The following POLE variants were observed in gnomAD, a reference collection of about 807,000 sequenced individuals.
POLE encodes the protein DNA polymerase epsilon catalytic subunit A.
A neutral mutation model predicts 279.2 loss-of-function variants in POLE; 188 were observed. The ratio of observed to expected loss-of-function variants is 0.67; its 90% confidence interval spans 0.60 to 0.76. The LOEUF (loss-of-function observed/expected upper bound fraction) is 0.76. Among genes scored for constraint, POLE ranks in the 30% least tolerant of loss-of-function variants. The pLI is 0.00. For synonymous variants in POLE, 1,214 were observed against 1,172.5 expected, an observed-to-expected ratio of 1.04 and a Z score of -0.72; for missense variants, 2,703 against 3,016.7, an observed-to-expected ratio of 0.90 and a Z score of 2.44.
Position 132,660,983 on chromosome 12 carries a change from C to A in POLE, c.3046G>T (p.Val1016Leu). 6.2e-7 allele frequency: 1 copy of A among 1,611,246 alleles called. No homozygotes were observed. The highest frequency in any genetic ancestry group is 8.5e-7 in the Non-Finnish European group (1 of 1,178,562). ...TAGGCCTTTACCTTGCTGTACAGCA[C>A]GTCCAGCCAGTAGTCAGCCACCTTG... ...VAKVADYWLD[V>L]LYSKAANMPD... Residue 1016 changes from valine to leucine, a missense_variant, in exon 25 of 49, where the codon GTG becomes TTG. This residue lies in a region of POLE where 1,551 missense variants were observed against 1,686.1 expected (regional missense o/e 0.92). Transcript: ENST00000320574.
In POLE at chr12:132,661,671, T is replaced by C. The variant is rs1593777633; in HGVS notation, c.2720A>G (p.Asn907Ser). ...CTCAGCCAGCTCCTGGTACTGGTCA[T>C]TGGTGAAGCCTTCCTGAGAAACAAG... ...LNIMVKEGFTNDQYQELAEPS... is the reference protein window; with the variant it reads ...LNIMVKEGFTSDQYQELAEPS... Residue 907 changes from asparagine to serine, a missense_variant, in exon 24 of 49, where the codon AAT (asparagine) becomes AGT (serine). By Grantham distance (46) the Asn-to-Ser change is conservative. Around this residue, in one of 5 missense-constraint regions of POLE, gnomAD observed 101 missense variants for 115.4 expected, o/e 0.87. Transcript: ENST00000320574. This position sits in a 1 kb window ranked among gnomAD's most constrained non-coding sequence, Gnocchi z 4.1. The C allele has an allele frequency of 6.8e-6, 11 of 1,614,024 alleles. No individual in the cohort carries two copies. Among genetic ancestry groups the C allele is most frequent in the Non-Finnish European group, 8.5e-6 (10 of 1,179,954 alleles).
At chr12:132,643,668 A>G in intron 33 of POLE, 108 bp from the exon 34 acceptor site, 1 of 1,535,840 alleles carries the variant, frequency 6.5e-7, no homozygotes, top group Non-Finnish European at 8.9e-7. Context: ...TGCCCGGCCC[A>G]CTGCCCAAAG....
In POLE at chr12:132,652,998, C is replaced by T. The variant is rs114213716; in HGVS notation, c.3583-3109G>A. ...CTGAATTTTATGAATTAATATGGGG[C>T]AAACTGCCATATTTTAATACTGAGT... On this transcript the variant is annotated intron_variant, in intron 29 of 48. Transcript: ENST00000320574. 2.5e-3 allele frequency among the ~76,000 whole-genome samples: 381 copies of T among 152,316 alleles called. 2 individuals carry two copies. The highest frequency in any genetic ancestry group is 8.8e-3 in the African/African-American group (365 of 41,566).
chr12:132,669,189 G>A lies in POLE; in HGVS notation c.1795-250C>T, dbSNP rs5744794. Among the ~76,000 whole-genome samples, 1,312 of 152,226 alleles carry A rather than the reference G, an allele frequency of 8.6e-3. 15 individuals carry two copies. The highest frequency in any genetic ancestry group is 0.017 in the Middle Eastern group (5 of 294). ...GTATTAAAAAAAATCCTTAGGCCAGGTGCAGTGGTTCATGCTTGTAATCCT... is the reference window on the plus strand; with the variant it reads ...GTATTAAAAAAAATCCTTAGGCCAGATGCAGTGGTTCATGCTTGTAATCCT... On this transcript the variant is annotated intron_variant, in intron 16 of 48. Transcript: ENST00000320574.
In POLE at chr12:132,668,608, G is replaced by A. The variant is rs752516403; in HGVS notation, c.2026+27C>T. 8 of 1,599,496 alleles carry A rather than the reference G, an allele frequency of 5.0e-6. No individual in the cohort carries two copies. Among genetic ancestry groups the A allele is most frequent in the Non-Finnish European group, 4.3e-6 (5 of 1,168,350 alleles). On this transcript the variant is annotated intron_variant, in intron 18 of 48. Coordinates refer to ENST00000320574, the MANE Select transcript of POLE (RefSeq NM_006231.4). The surrounding 1 kb of genome is among the most constrained non-coding windows in gnomAD (Gnocchi z 4.0). ...CACTCACCCACCCGTTTCCCACCGAGTGCCCACCCAGGCGGCCGACACTCA... is the reference window on the plus strand; with the variant it reads ...CACTCACCCACCCGTTTCCCACCGAATGCCCACCCAGGCGGCCGACACTCA...
intron 41 of POLE, among the ~76,000 whole-genome samples, chr12:132,636,234 CAA>C (rs930324763): frequency 5.3e-5 from 8 of 152,078 alleles, no homozygotes; most frequent in African/African-American, 1.9e-4. Flanking sequence ...GCTGGCGCCA[CAA>C]AGAGAGCTGG....
rs1057524186 is a variant in POLE at position 132,659,411 on chromosome 12, G to A, written c.3159C>T (p.Ser1053=). The change falls in exon 26 of 49, where the codon TCC becomes TCT. Residue 1053 remains serine (S), a synonymous_variant. Transcript: ENST00000320574. ...LEDYGEQKST[S]ISTAKRLAEF... ...CGGCCAGGCGCTTTGCTGTGCTGAT[G>A]GACGTAGACTTCTGCTCCCCGTAAT... is the stretch of plus-strand genomic sequence containing the variant. 6.2e-7 allele frequency: 1 copy of A among 1,614,206 alleles called. No individual in the cohort carries two copies. The highest frequency in any genetic ancestry group is 8.5e-7 in the Non-Finnish European group (1 of 1,180,020).
At chr12:132,640,875 G>C in intron 39 of POLE, 1 of 412,310 alleles carries the variant, frequency 2.4e-6, no homozygotes, top group South Asian at 1.8e-5. Context: ...GCTCCCAACT[G>C]CCTCCCTGCC....
Position 132,668,593 on chromosome 12 carries a change from C to A in POLE, c.2026+42G>T, listed in dbSNP as rs770079687. On this transcript the variant is annotated intron_variant, in intron 18 of 48. Transcript: ENST00000320574. This position sits in a 1 kb window ranked among gnomAD's most constrained non-coding sequence, Gnocchi z 4.0. ...GAGAAAGGCGGCCGACACTCACCCA[C>A]CCGTTTCCCACCGAGTGCCCACCCA... 2 of 1,592,046 alleles carry A rather than the reference C, an allele frequency of 1.3e-6. No individual in the cohort carries two copies. Among genetic ancestry groups the A allele is most frequent in the South Asian group, 1.1e-5 (1 of 90,004 alleles).
In POLE at chr12:132,626,150, G is replaced by A. The variant is rs946547049; in HGVS notation, c.6498C>T (p.Asp2166=). Reference sequence around the variant, plus strand: ...AGGAAGAGTCTTTACACAGGTCCAGGTCGCGGCAGAAGTTACAGCTGCGGC... The same window carrying A: ...AGGAAGAGTCTTTACACAGGTCCAGATCGCGGCAGAAGTTACAGCTGCGGC... ...VICRSCNFCR[D]LDLCKDSSFS... is the part of the protein sequence containing the mutation. Residue 2166 remains aspartate (D), a synonymous_variant, in exon 46 of 49, where the codon GAC becomes GAT. Transcript: ENST00000320574. 3 of 1,608,708 alleles carry A rather than the reference G, an allele frequency of 1.9e-6. No individual in the cohort carries two copies. Among genetic ancestry groups the A allele is most frequent in the Non-Finnish European group, 1.7e-6 (2 of 1,177,594 alleles).
Position 132,626,289 on chromosome 12 carries a change from T to TAA in POLE, c.6358_6359insTT (p.Asn2120IlefsTer4). On this transcript the variant is annotated frameshift_variant, in exon 46 of 49. Transcript: ENST00000320574. LOFTEE classifies it high-confidence loss of function. Reference sequence around the variant, plus strand: ...GTCTCGGTTCAGCTTATTCACCTGGTTTGTGATGTTGGTGTCCAGGGACAG... The same window carrying TAA: ...GTCTCGGTTCAGCTTATTCACCTGGTAATTGTGATGTTGGTGTCCAGGGACAG... 1 of 1,613,722 alleles carries TAA rather than the reference T, an allele frequency of 6.2e-7. No individual in the cohort carries two copies. Among genetic ancestry groups the TAA allele is most frequent in the Non-Finnish European group, 8.5e-7 (1 of 1,180,032 alleles).
At chr12:132,686,721 C>A (rs1430226370) in intron 1 of POLE, among the ~76,000 whole-genome samples, 1 of 152,028 alleles carries the variant, frequency 6.6e-6, no homozygotes, top group Non-Finnish European at 1.5e-5. Context: ...GGCGACAGAG[C>A]GGGACTCCCT....
chr12:132,631,390 G>A (rs975440716), intron 45 of POLE, among the ~76,000 whole-genome samples: 7 of 152,106 alleles, frequency 4.6e-5, no homozygotes, highest in Non-Finnish European at 5.9e-5. Context: ...AGAACTGCAC[G>A]CCACAGAGTA....
chr12:132,654,272 T>C (rs992434081), intron 29 of POLE, among the ~76,000 whole-genome samples: 3 of 151,916 alleles, frequency 2.0e-5, no homozygotes, highest in Non-Finnish European at 4.4e-5. Context: ...GGGGTCTCGC[T>C]ATATTGCCCA....
intron 30 of POLE, 50 bp downstream of exon 30, chr12:132,649,627 G>C (rs764718932): frequency 6.2e-7 from 1 of 1,606,290 alleles, no homozygotes; most frequent in Admixed American, 1.7e-5. Context: ...GGGCTCCCTG[G>C]GCTGTGCAGA....
At chr12:132,674,529 CCT>C (rs1199108662) in intron 12 of POLE, among the ~76,000 whole-genome samples, 3 of 152,170 alleles carry the variant, frequency 2.0e-5, no homozygotes, top group East Asian at 1.9e-4. Flanking sequence ...CTACCCATTC[CCT>C]GTCTCCACGG....
Position 132,649,439 on chromosome 12 carries a change from T to C in POLE, c.3872A>G (p.Lys1291Arg), listed in dbSNP as rs878854864. The C allele has an allele frequency of 6.2e-7, 1 of 1,612,706 alleles. No homozygotes were observed. Among genetic ancestry groups the C allele is most frequent in the South Asian group, 1.1e-5 (1 of 91,074 alleles). ...CTCTGCCGACTCCAGACGCTGCCTCTTCCTGCGGGCGAGGCGCTGCCGGGC... is the reference window on the plus strand; with the variant it reads ...CTCTGCCGACTCCAGACGCTGCCTCCTCCTGCGGGCGAGGCGCTGCCGGGC... The part of the protein sequence containing the change: ...LQARQRLARR[K>R]RQRLESAEGV... The change falls in exon 31 of 49, where the codon AAG becomes AGG. Residue 1291 changes from lysine to arginine, a missense_variant. This residue lies in a region of POLE where 1,551 missense variants were observed against 1,686.1 expected (regional missense o/e 0.92). Transcript: ENST00000320574.
chr12:132,675,707 G>A lies in POLE; in HGVS notation c.1106+28C>T, dbSNP rs2043032752. The A allele has an allele frequency of 6.2e-7, 1 of 1,600,650 alleles. No individual in the cohort carries two copies. The highest frequency in any genetic ancestry group is 1.1e-5 in the South Asian group (1 of 90,776). ...CGCCCTCCCTCTCAAATGCTGCCCAGTTACTCATAGAGAAGACACAGACTC... is the reference window on the plus strand; with the variant it reads ...CGCCCTCCCTCTCAAATGCTGCCCAATTACTCATAGAGAAGACACAGACTC... On this transcript the variant is annotated intron_variant, in intron 11 of 48. Transcript: ENST00000320574. This position sits in a 1 kb window ranked among gnomAD's most constrained non-coding sequence, Gnocchi z 4.3.
In POLE at chr12:132,677,367, C is replaced by A. The variant is rs115786159; in HGVS notation, c.797G>T (p.Arg266Leu). 8 of 1,613,106 alleles carry A rather than the reference C, an allele frequency of 5.0e-6. No individual in the cohort carries two copies. The highest frequency in any genetic ancestry group is 6.8e-6 in the Non-Finnish European group (8 of 1,179,088). Residue 266 changes from arginine to leucine, a missense_variant, in exon 8 of 49, where the codon CGA becomes CTA. Transcript: ENST00000320574. ...EITRRDDLVE[R>L]PDPVVLAFDI... ...GGTAACACAAGCAAAACTTACAGGTCGTTCAACAAGGTCATCTCGGCGGGT... is the reference window on the plus strand; with the variant it reads ...GGTAACACAAGCAAAACTTACAGGTAGTTCAACAAGGTCATCTCGGCGGGT...
Sources: gnomAD v4.1 joint callset for allele counts (sites outside exome capture counted in the v4.1 genomes callset) on GRCh38, gnomAD v4.1.1 for gene constraint, gnomAD v4.1.1 regional missense constraint, Gnocchi (gnomAD v3.1) non-coding constraint, MANE v1.5 for transcripts, NCBI Gene and HGNC (gene_info 2026-07-23, HGNC 2026-07-21) for gene names.